MCC: variants seen among roughly 807,000 people sequenced by gnomAD.
The protein encoded by MCC is MCC regulator of Wnt signaling pathway, also known as colorectal mutant cancer protein.
In MCC, 90 loss-of-function variants were observed where a neutral mutation model predicts 116.2. That is an observed-to-expected ratio of 0.77 (90% confidence interval 0.65 to 0.92). The LOEUF is 0.92. MCC is among the 40% of genes least tolerant of loss of function. The pLI is 0.00. For missense variants in MCC, 1,516 were observed against 1,312.2 expected, an observed-to-expected ratio of 1.16 and a Z score of -2.40; for synonymous variants, 578 against 510.5, an observed-to-expected ratio of 1.13 and a Z score of -1.78.
chr5:113,043,164 A>T (rs1751838902), intron 17 of MCC, among the ~76,000 whole-genome samples: 1 of 152,228 alleles, frequency 6.6e-6, no homozygotes, highest in Non-Finnish European at 1.5e-5. Context: ...TCACACTACC[A>T]ACGCTGAAGG....
rs146433074 is a variant in MCC, at chr5:113,072,025, T to C, written c.1785-791A>G. Among the ~76,000 whole-genome samples the C allele has an allele frequency of 2.0e-5, 3 of 152,302 alleles. No individual in the cohort carries two copies. The East Asian group carries it at 5.8e-4, about 29-fold the overall frequency. ...CAGGGCAAATGAGTCTGTGGCAAAG[T>C]TAGCAAACAAATGAATAATATGATC... On this transcript the variant is annotated intron_variant, in intron 11 of 18. Transcript: ENST00000408903.
chr5:113,343,894 C>T lies in MCC; in HGVS notation c.416-3164G>A, dbSNP rs150639295. On this transcript the variant is annotated intron_variant, in intron 2 of 18. Coordinates refer to ENST00000408903, the MANE Select transcript of MCC (RefSeq NM_001085377.2). ...AAGATGGCTGAATAGAAGCCTCCAC[C>T]AATCATGCCCCTGTGCAGGAATACC... Among the ~76,000 whole-genome samples, 44 of 152,294 alleles carry T rather than the reference C, an allele frequency of 2.9e-4. No individual in the cohort carries two copies. In the East Asian group the frequency reaches 8.3e-3, roughly 29 times the overall value.
At chr5:113,131,086 A>T (rs1298414862) in intron 5 of MCC, among the ~76,000 whole-genome samples, 1 of 152,220 alleles carries the variant, frequency 6.6e-6, no homozygotes, top group Non-Finnish European at 1.5e-5. Flanking sequence ...GTCAGATGCC[A>T]CACAGCAGCA....
In MCC at chr5:113,220,057, C is replaced by CTTTTTTTTTTTTTTTTTTT. The variant is rs1229213218; in HGVS notation, c.628-68636_628-68635insAAAAAAAAAAAAAAAAAAA. Reference sequence around the variant, plus strand: ...AACTTTGGAATCTGCATGTCAATTTCTTTTTCTTTTTTTTTTTTGAGACGG... The same window carrying CTTTTTTTTTTTTTTTTTTT: ...AACTTTGGAATCTGCATGTCAATTTCTTTTTTTTTTTTTTTTTTTTTTTTCTTTTTTTTTTTTGAGACGG... On this transcript the variant is annotated intron_variant, in intron 3 of 18. Coordinates refer to ENST00000408903, the MANE Select transcript of MCC (RefSeq NM_001085377.2). Among the ~76,000 whole-genome samples, 2 of 79,498 alleles carry CTTTTTTTTTTTTTTTTTTT rather than the reference C, an allele frequency of 2.5e-5. 1 individual carries two copies. The allele number at this position is 79,498 out of a possible 152,430, so 52.2% of individuals were successfully genotyped here. A position where few individuals can be genotyped will look rare whatever the true frequency, so the allele number is the denominator to read the frequency against.
chr5:113,372,114 G>A (rs1346470753), intron 2 of MCC, among the ~76,000 whole-genome samples: 1 of 152,146 alleles, frequency 6.6e-6, no homozygotes, highest in African/African-American at 2.4e-5. Flanking sequence ...GTTATGTGTG[G>A]TCCAAAAGAT....
chr5:113,345,883 AAAT>A (rs1470979789), intron 2 of MCC, among the ~76,000 whole-genome samples: 4 of 152,218 alleles, frequency 2.6e-5, no homozygotes, highest in African/African-American at 9.6e-5. Context: ...CCAAAGAACT[AAAT>A]AAGCCATCAG....
chr5:113,270,487 A>G (rs556623525), intron 3 of MCC, among the ~76,000 whole-genome samples: 3 of 151,134 alleles, frequency 2.0e-5, no homozygotes, highest in Admixed American at 1.3e-4. Flanking sequence ...AAAATAAAGC[A>G]CTCAGCCTAG....
intron 1 of MCC, among the ~76,000 whole-genome samples, chr5:113,409,810 G>C (rs1463734674): frequency 1.3e-5 from 2 of 152,108 alleles, no homozygotes; most frequent in Non-Finnish European, 2.9e-5. Context: ...AGGATATTTA[G>C]TCTCTGTCCC....
At chr5:113,271,711 T>C (rs1012420281) in intron 3 of MCC, among the ~76,000 whole-genome samples, 1 of 152,204 alleles carries the variant, frequency 6.6e-6, no homozygotes, top group Admixed American at 6.5e-5. Flanking sequence ...CCATAAGGGC[T>C]CTGCCCTTAC....
Position 113,340,731 on chromosome 5 carries a change from C to T in MCC, c.416-1G>A, listed in dbSNP as rs373169120. 5.2e-4 allele frequency: 837 copies of T among 1,612,716 alleles called. 10 individuals carry two copies. The South Asian group carries it at 8.8e-3, about 17-fold the overall frequency. On this transcript the variant is annotated splice_acceptor_variant, in intron 2 of 18. Coordinates refer to ENST00000408903, the MANE Select transcript of MCC (RefSeq NM_001085377.2). LOFTEE classifies it high-confidence loss of function. ...CTCTCCCTGGCTGCTGATAAGGCAC[C>T]TAAGTCCGAGAGAAGCAGAGAAAAT...
intron 1 of MCC, among the ~76,000 whole-genome samples, chr5:113,457,080 G>C (rs1288718600): frequency 6.6e-6 from 1 of 152,208 alleles, no homozygotes; most frequent in Non-Finnish European, 1.5e-5. Flanking sequence ...GCTGCACTGT[G>C]GGAGCCCCTT....
intron 3 of MCC, among the ~76,000 whole-genome samples, chr5:113,208,305 T>C (rs1213964754): frequency 6.6e-6 from 1 of 152,184 alleles, no homozygotes; most frequent in Non-Finnish European, 1.5e-5. Context: ...GCACACTTTG[T>C]GAGAAGGAAG....
Position 113,375,930 on chromosome 5 carries a change from A to G in MCC, c.415+9038T>C, listed in dbSNP as rs575651054. 3.3e-5 allele frequency among the ~76,000 whole-genome samples: 5 copies of G among 152,348 alleles called. No homozygotes were observed. The South Asian group carries it at 1.0e-3, about 32-fold the overall frequency. On this transcript the variant is annotated intron_variant, in intron 2 of 18. Coordinates refer to ENST00000408903, the MANE Select transcript of MCC (RefSeq NM_001085377.2). ...CAAAATATTGTGGCCATGTTTTTCA[A>G]TCAGCCACATCACACATTCTCTTTC...
At chr5:113,058,944 G>C (rs941115293) in intron 14 of MCC, among the ~76,000 whole-genome samples, 1 of 152,150 alleles carries the variant, frequency 6.6e-6, no homozygotes, top group African/African-American at 2.4e-5. Flanking sequence ...AGGTCATCCA[G>C]AATCCCTCCA....
chr5:113,429,959 T>C (rs1284817493), intron 1 of MCC, among the ~76,000 whole-genome samples: 1 of 152,226 alleles, frequency 6.6e-6, no homozygotes, highest in African/African-American at 2.4e-5. Context: ...CATTCAGGCC[T>C]GAAATGCAAT....
intron 3 of MCC, among the ~76,000 whole-genome samples, chr5:113,319,316 G>A (rs11958613): frequency 0.032 from 4,942 of 152,254 alleles, 267 homozygotes; most frequent in African/African-American, 0.11. Flanking sequence ...AGAGAGCTCC[G>A]AGAAGCAGAG....
chr5:113,030,764 T>C (rs533579158), intron 17 of MCC, among the ~76,000 whole-genome samples: 105 of 152,274 alleles, frequency 6.9e-4, no homozygotes, highest in African/African-American at 2.5e-3. Flanking sequence ...AAAGATGCCA[T>C]TTTTGTAAAA....
intron 17 of MCC, among the ~76,000 whole-genome samples, chr5:113,034,356 G>A (rs947626186): frequency 2.0e-5 from 3 of 152,248 alleles, no homozygotes; most frequent in Non-Finnish European, 4.4e-5. Context: ...CTCGGAAGTG[G>A]TGCTTGTTGG....
chr5:113,245,371 A>G (rs72788608), intron 3 of MCC, among the ~76,000 whole-genome samples: 359 of 151,668 alleles, frequency 2.4e-3, no homozygotes, highest in Non-Finnish European at 4.3e-3. Context: ...GAAATATCTT[A>G]TGTCCTCTCT....
Sources: allele counts gnomAD v4.1 joint callset (sites outside exome capture counted in the v4.1 genomes callset), GRCh38; gene constraint gnomAD v4.1.1; transcripts MANE v1.5; gene names NCBI Gene and HGNC (gene_info 2026-07-23, HGNC 2026-07-21).